Variants in BOK observed in about 807,000 individuals in gnomAD.
BOK encodes BCL2 family apoptosis regulator BOK, also known as bcl-2-related ovarian killer protein.
A neutral mutation model predicts 18.3 loss-of-function variants in BOK; 20 were observed. That is an observed-to-expected ratio of 1.09 (90% CI 0.77 to 1.59). BOK has a LOEUF of 1.59. BOK is among the 40% of genes most tolerant of loss of function. The pLI, the probability that BOK is intolerant of heterozygous loss-of-function variation, is 0.00. For synonymous variants in BOK, 173 were observed against 142.4 expected, an observed-to-expected ratio of 1.21 and a Z score of -1.53; for missense variants, 348 against 307.9, an observed-to-expected ratio of 1.13 and a Z score of -0.97.
At position 241,572,748 on chromosome 2, in the gene BOK, C is replaced by T; in HGVS notation, c.*326C>T. 1 of 357,724 alleles carries T rather than the reference C, an allele frequency of 2.8e-6. No individual in the cohort carries two copies. Among genetic ancestry groups the T allele is most frequent in the East Asian group, 5.5e-5 (1 of 18,296 alleles). The allele number at this position is 357,724 out of a possible 1,614,324, so 22.2% of individuals were successfully genotyped here. A position where few individuals can be genotyped will look rare whatever the true frequency, so the allele number is the denominator to read the frequency against. ...AGGCCTCAGATGCAGGGGCCCAGAACACCTGCTCTCACCTGAGCCCCAGGT... is the reference window on the plus strand; with the variant it reads ...AGGCCTCAGATGCAGGGGCCCAGAATACCTGCTCTCACCTGAGCCCCAGGT... On this transcript the variant is annotated 3_prime_UTR_variant, in exon 5 of 5. Coordinates refer to ENST00000318407, the MANE Select transcript of BOK (RefSeq NM_032515.5).
At position 241,562,317 on chromosome 2, in the gene BOK, C is replaced by G; in HGVS notation, c.221-31C>G. On this transcript the variant is annotated intron_variant, in intron 2 of 4. Coordinates refer to ENST00000318407, the MANE Select transcript of BOK (RefSeq NM_032515.5). The surrounding 1 kb of genome is among the most constrained non-coding windows in gnomAD (Gnocchi z 4.5). Reference sequence around the variant, plus strand: ...GTGTCCCAGGAAGCTGGGACGTGGGCTGCCTCTCACCTGCTCTTGTGACCA... The same window carrying G: ...GTGTCCCAGGAAGCTGGGACGTGGGGTGCCTCTCACCTGCTCTTGTGACCA... 6.4e-7 allele frequency: 1 copy of G among 1,562,162 alleles called. No homozygotes were observed. The highest frequency in any genetic ancestry group is 8.7e-7 in the Non-Finnish European group (1 of 1,153,500).
chr2:241,572,251 G>C, intron 4 of BOK, 46 bp from the exon 5 acceptor site: 1 of 1,596,124 alleles, frequency 6.3e-7, no homozygotes. Flanking sequence ...CTGGGGGCCT[G>C]GCGGTGCTGG....
At chr2:241,571,509 C>T (rs2066719925) in intron 4 of BOK, among the ~76,000 whole-genome samples, 1 of 152,162 alleles carries the variant, frequency 6.6e-6, no homozygotes, top group Non-Finnish European at 1.5e-5. Context: ...GTGGTCTCCT[C>T]TGAAGGCTGA....
intron 3 of BOK, among the ~76,000 whole-genome samples, chr2:241,564,938 C>T (rs551740470): frequency 1.1e-4 from 16 of 152,264 alleles, no homozygotes; most frequent in African/African-American, 3.6e-4. Flanking sequence ...TGCCCCTACC[C>T]GCCCGGCCTT....
rs1305793477 is a variant in BOK, at chr2:241,572,358, C to T, written c.575C>T (p.Ala192Val). ...GGCCTCCGCTCCCACTGGCTGGTGG[C>T]TGCACTCTGCAGCTTCGGCCGCTTC... ...DPGLRSHWLV[A>V]ALCSFGRFLK... Residue 192 changes from alanine to valine, a missense_variant, in exon 5 of 5, where the codon GCT (alanine) becomes GTT (valine). By Grantham distance (64) the Ala-to-Val change is moderately conservative. Coordinates refer to ENST00000318407, the MANE Select transcript of BOK (RefSeq NM_032515.5). The T allele has an allele frequency of 3.7e-6, 6 of 1,608,710 alleles. No individual in the cohort carries two copies. In the Admixed American group the frequency reaches 8.4e-5, roughly 22 times the overall value.
chr2:241,571,581 C>A (rs2066721537), intron 4 of BOK, among the ~76,000 whole-genome samples: 1 of 152,192 alleles, frequency 6.6e-6, no homozygotes, highest in South Asian at 2.1e-4. Context: ...TCCCTCAGCA[C>A]AGAAACCCCA....
chr2:241,552,623 G>C (rs983360753), intron 1 of BOK, among the ~76,000 whole-genome samples: 5 of 152,152 alleles, frequency 3.3e-5, no homozygotes, highest in Non-Finnish European at 1.5e-5. Flanking sequence ...TGTCTCCTTC[G>C]TGTCTTTTTC....
At chr2:241,558,599 C>G (rs2066474223), upstream of BOK, 1 of 152,394 alleles carries the variant, frequency 6.6e-6, no homozygotes, top group Admixed American at 6.5e-5. Flanking sequence ...CTCTGCCTTG[C>G]GGGGGCCGCT....
chr2:241,561,341 C>G (rs2066524846), intron 2 of BOK, among the ~76,000 whole-genome samples: 1 of 152,258 alleles, frequency 6.6e-6, no homozygotes, highest in Non-Finnish European at 1.5e-5. Context: ...CCTCGGCTGC[C>G]AGGGGCAGGG....
intron 3 of BOK, among the ~76,000 whole-genome samples, chr2:241,569,900 C>G (rs532976190): frequency 2.0e-5 from 3 of 152,332 alleles, no homozygotes; most frequent in African/African-American, 7.2e-5. Flanking sequence ...CTGCGGCCTC[C>G]TGCACAGACG....
chr2:241,569,398 T>C (rs1370656964), intron 3 of BOK, among the ~76,000 whole-genome samples: 1 of 152,244 alleles, frequency 6.6e-6, no homozygotes, highest in African/African-American at 2.4e-5. Flanking sequence ...CCCAAAGTGC[T>C]GGGATTCCAG....
At chr2:241,571,303 C>T (rs1053908484) in intron 4 of BOK, among the ~76,000 whole-genome samples, 2 of 152,138 alleles carry the variant, frequency 1.3e-5, no homozygotes, top group Non-Finnish European at 2.9e-5. Context: ...TGCCCTGCTC[C>T]GGCCAGACCG....
In BOK at chr2:241,567,606, C is replaced by A. The variant is rs1244737830; in HGVS notation, c.350-2519C>A. On this transcript the variant is annotated intron_variant, in intron 3 of 4. Coordinates refer to ENST00000318407, the MANE Select transcript of BOK (RefSeq NM_032515.5). ...GCTGTGCCGGGTGTGCGCATCCCAC[C>A]AATGACAAGGGCACCTTCGAGGTTG... is the stretch of plus-strand genomic sequence containing the variant. Among the ~76,000 whole-genome samples, 5 of 134,358 alleles carry A rather than the reference C, an allele frequency of 3.7e-5. 1 individual carries two copies. The highest frequency in any genetic ancestry group is 8.0e-5 in the Non-Finnish European group (5 of 62,892). The allele number at this position is 134,358 out of a possible 152,430, so 88.1% of individuals were successfully genotyped here.
At chr2:241,563,925 T>C (rs1480683299) in intron 3 of BOK, among the ~76,000 whole-genome samples, 1 of 152,100 alleles carries the variant, frequency 6.6e-6, no homozygotes, top group African/African-American at 2.4e-5. Flanking sequence ...GACCCCACCT[T>C]TGTGGGGTGT....
chr2:241,555,711 A>G (rs576456109), upstream of BOK, among the ~76,000 whole-genome samples: 1 of 152,226 alleles, frequency 6.6e-6, no homozygotes. Flanking sequence ...ACTGCTAGCA[A>G]TGTTCCATAT....
chr2:241,558,054 G>C (rs56377158), upstream of BOK, among the ~76,000 whole-genome samples: 16 of 143,238 alleles, frequency 1.1e-4, no homozygotes, highest in South Asian at 2.3e-4. Context: ...AGAGTTCCGA[G>C]ACACACACAC....
intron 3 of BOK, among the ~76,000 whole-genome samples, chr2:241,568,272 C>G (rs562563680): frequency 6.6e-6 from 1 of 152,048 alleles, no homozygotes; most frequent in Non-Finnish European, 1.5e-5. Flanking sequence ...AGGCACCAGC[C>G]GCCATGCCCG....
chr2:241,556,581 C>CAAA (rs55866928), upstream of BOK, among the ~76,000 whole-genome samples: 5,334 of 85,830 alleles, frequency 0.062, 680 homozygotes, highest in African/African-American at 0.21. Flanking sequence ...GACTCCGTCT[C>CAAA]AAAAAAAAAA....
chr2:241,553,236 C>T (rs1021337750), intron 1 of BOK, among the ~76,000 whole-genome samples: 7 of 152,302 alleles, frequency 4.6e-5, no homozygotes, highest in African/African-American at 7.2e-5. Context: ...CTGCAACCTC[C>T]GCCTCCTGGG....
Sources: allele counts gnomAD v4.1 joint callset (sites outside exome capture counted in the v4.1 genomes callset), GRCh38; gene constraint gnomAD v4.1.1; non-coding constraint Gnocchi (gnomAD v3.1); transcripts MANE v1.5; gene names NCBI Gene and HGNC (gene_info 2026-07-23, HGNC 2026-07-21).